Variants in DLG2 observed in about 807,000 individuals in gnomAD.
DLG2 encodes disks large homolog 2.
Under a neutral mutation model 132.5 loss-of-function variants are expected in DLG2, and 45 were observed. That is an observed-to-expected ratio of 0.34 (90% CI 0.27 to 0.44). The LOEUF (loss-of-function observed/expected upper bound fraction) is 0.44, where lower values mean the gene tolerates loss of function less well. Among genes scored for constraint, DLG2 ranks in the 20% least tolerant of loss-of-function variants. The probability of loss-of-function intolerance (pLI) is 1.00; values close to 1 mark genes in which losing one functional copy is unlikely to be tolerated. For missense variants in DLG2, 1,045 were observed against 1,196.9 expected, an observed-to-expected ratio of 0.87 and a Z score of 1.87; for synonymous variants, 424 against 419.6, an observed-to-expected ratio of 1.01 and a Z score of -0.13.
chr11:83,984,123 T>C (rs904445050), intron 11 of DLG2, among the ~76,000 whole-genome samples: 1 of 152,012 alleles, frequency 6.6e-6, no homozygotes, highest in Non-Finnish European at 1.5e-5. Context: ...AGCAAGTATG[T>C]AGTTGACATT....
intron 6 of DLG2, among the ~76,000 whole-genome samples, chr11:84,813,530 TA>T (rs950837500): frequency 2.0e-5 from 3 of 151,774 alleles, no homozygotes; most frequent in African/African-American, 7.3e-5. Flanking sequence ...TATAGGAAAA[TA>T]AAAAAGAGAA....
intron 3 of DLG2, among the ~76,000 whole-genome samples, chr11:85,589,857 G>A (rs7949114): frequency 0.063 from 9,573 of 151,876 alleles, 983 homozygotes; most frequent in African/African-American, 0.22. Flanking sequence ...CCTTTCTGCC[G>A]CAGTTCCTGC....
chr11:83,913,744 G>A lies in DLG2; in HGVS notation c.1496+16584C>T, dbSNP rs149376657. Among the ~76,000 whole-genome samples, 877 of 152,210 alleles carry A rather than the reference G, an allele frequency of 5.8e-3. 2 individuals carry two copies. The highest frequency in any genetic ancestry group is 0.017 in the Middle Eastern group (5 of 292). On this transcript the variant is annotated intron_variant, in intron 15 of 27. Transcript: ENST00000376104. Reference sequence around the variant, plus strand: ...GAGAGGGAGGAGGAGTTTCAAAATGGAAGCATAAGCAAGGACCTCAAAGAA... The same window carrying A: ...GAGAGGGAGGAGGAGTTTCAAAATGAAAGCATAAGCAAGGACCTCAAAGAA...
At chr11:84,260,889 T>G (rs1437977491) in intron 7 of DLG2, among the ~76,000 whole-genome samples, 3 of 152,120 alleles carry the variant, frequency 2.0e-5, no homozygotes, top group Non-Finnish European at 4.4e-5. Flanking sequence ...AAATGATTTC[T>G]GAAGATCCCA....
intron 18 of DLG2, 87 bp from the exon 19 acceptor site, chr11:83,633,412 G>A (rs937153448): frequency 8.4e-6 from 9 of 1,065,114 alleles, no homozygotes; most frequent in East Asian, 5.1e-5. Context: ...CCTCACCCAC[G>A]TTGTTGGTTC....
At chr11:84,555,753 A>G (rs1357725338) in intron 6 of DLG2, among the ~76,000 whole-genome samples, 7 of 152,262 alleles carry the variant, frequency 4.6e-5, no homozygotes, top group Non-Finnish European at 8.8e-5. Flanking sequence ...CAAAGTGAAC[A>G]TAATTAACAC....
At chr11:84,707,713 G>A (rs1446604161) in intron 6 of DLG2, among the ~76,000 whole-genome samples, 1 of 151,746 alleles carries the variant, frequency 6.6e-6, no homozygotes, top group Non-Finnish European at 1.5e-5. Context: ...TTGCACAGAT[G>A]GAATTTTACC....
At chr11:85,434,007 A>G (rs988428914) in intron 3 of DLG2, among the ~76,000 whole-genome samples, 2 of 152,226 alleles carry the variant, frequency 1.3e-5, no homozygotes, top group African/African-American at 2.4e-5. Context: ...ACTCAGGATT[A>G]AGAGTTCTAA....
At position 85,526,846 on chromosome 11, in the gene DLG2, C is replaced by T. The variant is rs114399198; in HGVS notation, c.40+71811G>A. 2.0e-3 allele frequency among the ~76,000 whole-genome samples: 299 copies of T among 151,992 alleles called. 3 individuals carry two copies. The highest frequency in any genetic ancestry group is 6.9e-3 in the African/African-American group (287 of 41,456). On this transcript the variant is annotated intron_variant, in intron 3 of 27. Coordinates refer to ENST00000376104, the MANE Select transcript of DLG2 (RefSeq NM_001142699.3). ...CTGTAATTGGGAGCAAAAAAGGGGCCCAACATAAATACTAAAGGTCAAAAC... is the reference window on the plus strand; with the variant it reads ...CTGTAATTGGGAGCAAAAAAGGGGCTCAACATAAATACTAAAGGTCAAAAC...
At chr11:84,935,913 T>C (rs2048692021) in intron 6 of DLG2, among the ~76,000 whole-genome samples, 1 of 152,214 alleles carries the variant, frequency 6.6e-6, no homozygotes, top group Non-Finnish European at 1.5e-5. Context: ...ATAGGTCAGG[T>C]CTACCTCCTA....
chr11:84,733,892 A>G (rs1365961502), intron 6 of DLG2, among the ~76,000 whole-genome samples: 3 of 152,090 alleles, frequency 2.0e-5, no homozygotes, highest in Non-Finnish European at 2.9e-5. Flanking sequence ...TGTTGAATAG[A>G]GAATCCTTTC....
At chr11:83,928,518 G>C (rs1228723712) in intron 15 of DLG2, among the ~76,000 whole-genome samples, 1 of 152,104 alleles carries the variant, frequency 6.6e-6, no homozygotes, top group East Asian at 1.9e-4. Flanking sequence ...AATATTTACT[G>C]ACACAGAGCC....
At position 84,840,455 on chromosome 11, in the gene DLG2, T is replaced by G. The variant is rs1038071127; in HGVS notation, c.357+271206A>C. On this transcript the variant is annotated intron_variant, in intron 6 of 27. Coordinates refer to ENST00000376104, the MANE Select transcript of DLG2 (RefSeq NM_001142699.3). ...GACTAATTCCTCAAGGATCTAGAAA[T>G]AGAAATACCATTTGACTCAGTGATC... Among the ~76,000 whole-genome samples the G allele has an allele frequency of 5.9e-5, 9 of 152,234 alleles. No individual in the cohort carries two copies. In the East Asian group the frequency reaches 1.7e-3, roughly 30 times the overall value.
At position 84,174,153 on chromosome 11, in the gene DLG2, GA is replaced by G. The variant is rs1336198639; in HGVS notation, c.574-10643del. 3.4e-5 allele frequency among the ~76,000 whole-genome samples: 5 copies of G among 145,364 alleles called. No individual in the cohort carries two copies. The East Asian group carries it at 9.9e-4, about 29-fold the overall frequency. On this transcript the variant is annotated intron_variant, in intron 8 of 27. Transcript: ENST00000376104. ...TACCACTCTATATCTCTGTTAAGGA[GA>G]TTTTTTTTTTGTCATATACATCCTT...
chr11:85,395,096 C>T (rs2087181396), intron 3 of DLG2, among the ~76,000 whole-genome samples: 2 of 152,268 alleles, frequency 1.3e-5, no homozygotes, highest in South Asian at 4.1e-4. Context: ...GATTTGTCTG[C>T]CTCTTTCTTT....
intron 17 of DLG2, among the ~76,000 whole-genome samples, chr11:83,792,629 T>C (rs796706803): frequency 3.9e-5 from 6 of 152,300 alleles, no homozygotes; most frequent in African/African-American, 1.4e-4. Flanking sequence ...TTCCACTTAC[T>C]AATATACCTT....
intron 6 of DLG2, among the ~76,000 whole-genome samples, chr11:85,040,544 C>T (rs1487025267): frequency 6.6e-6 from 1 of 151,896 alleles, no homozygotes; most frequent in African/African-American, 2.4e-5. Flanking sequence ...ATATGAGTAG[C>T]AACTAACAGA....
intron 19 of DLG2, among the ~76,000 whole-genome samples, chr11:83,583,738 T>C (rs1043269236): frequency 1.3e-5 from 2 of 152,226 alleles, no homozygotes; most frequent in African/African-American, 4.8e-5. Context: ...TCACATCACC[T>C]TGCAAAATAC....
chr11:83,927,119 G>A (rs1424085857), intron 15 of DLG2, among the ~76,000 whole-genome samples: 8 of 152,090 alleles, frequency 5.3e-5, no homozygotes, highest in South Asian at 4.1e-4. Flanking sequence ...TTGAGCTTAC[G>A]ACTTGTTTTC....
Sources: allele counts gnomAD v4.1 joint callset (sites outside exome capture counted in the v4.1 genomes callset), GRCh38; gene constraint gnomAD v4.1.1; transcripts MANE v1.5; gene names NCBI Gene and HGNC (gene_info 2026-07-23, HGNC 2026-07-21).